TMEM232: variants seen among roughly 807,000 people sequenced by gnomAD.
TMEM232 encodes transmembrane protein 232.
In TMEM232, 80 loss-of-function variants were observed where a neutral mutation model predicts 78.8. The observed-to-expected ratio is 1.01, with a 90% confidence interval of 0.85 to 1.22. TMEM232 has a LOEUF of 1.22. Ranked by LOEUF, TMEM232 falls within the 50% of genes most tolerant of loss-of-function variation. TMEM232 has a pLI of 0.00. For missense variants in TMEM232, 881 were observed against 742.2 expected (o/e 1.19, Z -2.17); for synonymous variants, 297 against 254.3 (o/e 1.17, Z -1.60).
chr5:110,405,736 A>AG (rs1448280237), intron 2 of TMEM232, among the ~76,000 whole-genome samples: 2 of 151,336 alleles, frequency 1.3e-5, no homozygotes, highest in South Asian at 4.1e-4. Flanking sequence ...CAGTTTAAAA[A>AG]AAAAAAAAAG....
intron 1 of TMEM232, among the ~76,000 whole-genome samples, chr5:110,701,865 C>G (rs114435726): frequency 6.6e-6 from 1 of 151,974 alleles, no homozygotes; most frequent in East Asian, 1.9e-4. Flanking sequence ...CTTGCTGGAA[C>G]AGTTAGCAAA....
chr5:110,412,097 T>C lies in TMEM232; in HGVS notation n.308+12726A>G, dbSNP rs145506501. Reference sequence around the variant, plus strand: ...TTGATCTCAGAGACACAGAAATAAGTTGCCAAACAAATCCACTCAGTTTTC... The same window carrying C: ...TTGATCTCAGAGACACAGAAATAAGCTGCCAAACAAATCCACTCAGTTTTC... On this transcript the variant is annotated intron_variant and non_coding_transcript_variant, in intron 2 of 8. Transcript: ENST00000507188. Among the ~76,000 whole-genome samples the C allele has an allele frequency of 4.3e-4, 66 of 152,266 alleles. 3 individuals are homozygous for C. In the East Asian group the frequency reaches 0.012, roughly 29 times the overall value.
In TMEM232 at chr5:110,528,768, TCTC is replaced by T. The variant is rs1339487887; in HGVS notation, c.1520_1522del (p.Gly507del). 4.6e-6 allele frequency: 7 copies of T among 1,533,440 alleles called. No homozygotes were observed. The highest frequency in any genetic ancestry group is 3.9e-5 in the Admixed American group (2 of 50,746). 95.0% of individuals were successfully genotyped at this position (1,533,440 alleles called of 1,614,324 possible). A position where few individuals can be genotyped will look rare whatever the true frequency, so the allele number is the denominator to read the frequency against. On this transcript the variant is annotated inframe_deletion, in exon 12 of 14. Coordinates refer to ENST00000455884, the MANE Select transcript of TMEM232 (RefSeq NM_001039763.4). ...CCCAATATATTTGGAGAAAACTTCT[TCTC>T]CTACATTTGATGAAATATTTGTACT...
chr5:110,455,609 A>C (rs1580751401), intron 12 of TMEM232, among the ~76,000 whole-genome samples: 1 of 151,800 alleles, frequency 6.6e-6, no homozygotes. Flanking sequence ...CAATCTCCTG[A>C]CCTCGTTATC....
At chr5:110,536,375 C>T (rs551672453) in intron 11 of TMEM232, among the ~76,000 whole-genome samples, 2 of 152,308 alleles carry the variant, frequency 1.3e-5, no homozygotes, top group South Asian at 4.1e-4. Context: ...TCTGGTGTTG[C>T]CTGAAGGCCA....
intron 12 of TMEM232, among the ~76,000 whole-genome samples, chr5:110,510,339 T>C (rs1401489758): frequency 9.2e-5 from 14 of 152,200 alleles, no homozygotes; most frequent in Non-Finnish European, 2.9e-5. Flanking sequence ...TTTGTCTTAG[T>C]GAATGACACA....
At chr5:110,490,541 C>T (rs894624629) in intron 12 of TMEM232, among the ~76,000 whole-genome samples, 5 of 152,114 alleles carry the variant, frequency 3.3e-5, no homozygotes, top group African/African-American at 9.6e-5. Flanking sequence ...TGCAGTGGAA[C>T]AAGAATAGCC....
intron 12 of TMEM232, among the ~76,000 whole-genome samples, chr5:110,447,076 C>T (rs753544012): frequency 6.6e-6 from 1 of 151,368 alleles, no homozygotes; most frequent in Non-Finnish European, 1.5e-5. Context: ...GCACCAGGAA[C>T]ATAGGTACTA....
chr5:110,574,397 AAG>A (rs1278246935), intron 10 of TMEM232, among the ~76,000 whole-genome samples: 3 of 152,098 alleles, frequency 2.0e-5, no homozygotes, highest in Middle Eastern at 3.2e-3. Flanking sequence ...ACCATGCTCA[AAG>A]AGAGGGTTGG....
At chr5:110,393,028 T>C (rs985145877) in intron 3 of TMEM232, among the ~76,000 whole-genome samples, 3 of 152,230 alleles carry the variant, frequency 2.0e-5, no homozygotes, top group South Asian at 2.1e-4. Context: ...TCTGTTACTG[T>C]GTCAGAACAC....
intron 2 of TMEM232, among the ~76,000 whole-genome samples, chr5:110,406,263 T>TACACACACACACACACAC (rs770672662): frequency 1.9e-5 from 1 of 51,670 alleles, no homozygotes; most frequent in Non-Finnish European, 3.8e-5. Context: ...CACAGATATA[T>TACACACACACACACACAC]ATACACACAC....
intron 12 of TMEM232, among the ~76,000 whole-genome samples, chr5:110,443,683 G>A (rs1759310653): frequency 6.6e-6 from 1 of 152,162 alleles, no homozygotes; most frequent in African/African-American, 2.4e-5. Flanking sequence ...CACCACAGCT[G>A]GGAGTGTTCT....
intron 12 of TMEM232, among the ~76,000 whole-genome samples, chr5:110,484,762 G>A (rs1384608092): frequency 1.3e-5 from 2 of 151,948 alleles, no homozygotes; most frequent in Admixed American, 6.6e-5. Context: ...AACAGCAAGT[G>A]TTATATATTC....
Position 110,448,943 on chromosome 5 carries a change from T to C in TMEM232, c.1704-24027A>G, listed in dbSNP as rs191298323. Among the ~76,000 whole-genome samples the C allele has an allele frequency of 4.3e-3, 648 of 151,860 alleles. 8 individuals carry two copies. Among genetic ancestry groups the C allele is most frequent in the South Asian group, 0.035 (169 of 4,824 alleles). On this transcript the variant is annotated intron_variant, in intron 12 of 13. Coordinates refer to ENST00000455884, the MANE Select transcript of TMEM232 (RefSeq NM_001039763.4). The stretch of plus-strand genomic sequence containing the variant: ...ACAAAAAGATGGAACACAAGACATA[T>C]AAAGTGTGACTAAAACTGTCATGAA...
chr5:110,396,732 T>C (rs1479831547), intron 3 of TMEM232, among the ~76,000 whole-genome samples: 2 of 152,374 alleles, frequency 1.3e-5, no homozygotes, highest in East Asian at 3.9e-4. Flanking sequence ...TTTTATATAG[T>C]GATGATTTCT....
intron 5 of TMEM232, among the ~76,000 whole-genome samples, chr5:110,628,082 ATCATC>A (rs1196569526): frequency 2.0e-5 from 3 of 152,080 alleles, no homozygotes; most frequent in African/African-American, 2.4e-5. Context: ...ACTTTTATAA[ATCATC>A]TCTACACTAC....
chr5:110,573,027 A>G (rs769291276), intron 10 of TMEM232, among the ~76,000 whole-genome samples: 17 of 152,138 alleles, frequency 1.1e-4, no homozygotes, highest in African/African-American at 2.6e-4. Flanking sequence ...CTGAGAGAAA[A>G]TATGTCTGTG....
chr5:110,563,670 G>A (rs1425580810), intron 11 of TMEM232, among the ~76,000 whole-genome samples: 6 of 151,816 alleles, frequency 4.0e-5, no homozygotes, highest in African/African-American at 7.2e-5. Context: ...GAGTGCATAA[G>A]ACTAAAGAGG....
intron 10 of TMEM232, among the ~76,000 whole-genome samples, chr5:110,580,940 G>A (rs1249100795): frequency 1.3e-5 from 2 of 151,498 alleles, no homozygotes; most frequent in Non-Finnish European, 3.0e-5. Context: ...ACAATACCTA[G>A]GAATAGATCT....
Sources: gnomAD v4.1 joint callset for allele counts (sites outside exome capture counted in the v4.1 genomes callset) on GRCh38, gnomAD v4.1.1 for gene constraint, MANE v1.5 for transcripts, NCBI Gene and HGNC (gene_info 2026-07-23, HGNC 2026-07-21) for gene names.